YTHDF3: variants seen among roughly 807,000 people sequenced by gnomAD.
YTHDF3 encodes YTH N6-methyladenosine RNA binding protein F3, also known as YTH domain-containing family protein 3.
In YTHDF3, 9 loss-of-function variants were observed where a neutral mutation model predicts 52.5. The ratio of observed to expected loss-of-function variants is 0.17; its 90% CI spans 0.10 to 0.30. The LOEUF (loss-of-function observed/expected upper bound fraction) is 0.30. Ranked by LOEUF, YTHDF3 falls within the 10% of genes least tolerant of loss-of-function variation. The pLI, the probability that YTHDF3 is intolerant of heterozygous loss-of-function variation, is 1.00. For missense variants in YTHDF3, 534 were observed against 715.0 expected (o/e 0.75, Z 2.89); for synonymous variants, 274 against 243.3 (o/e 1.13, Z -1.18).
intron 2 of YTHDF3, among the ~76,000 whole-genome samples, chr8:63,169,666 G>C (rs1033310592): frequency 1.3e-5 from 2 of 152,132 alleles, no homozygotes; most frequent in Non-Finnish European, 2.9e-5. Context: ...GTGTGAACCT[G>C]GTGGTATTTC....
intron 4 of YTHDF3, among the ~76,000 whole-genome samples, chr8:63,195,323 A>C (rs746044140): frequency 3.3e-5 from 5 of 152,254 alleles, no homozygotes; most frequent in African/African-American, 4.8e-5. Flanking sequence ...CTAAAAATAC[A>C]AAACAAAATT....
At chr8:63,209,159 C>T (rs1810224754) in intron 4 of YTHDF3, among the ~76,000 whole-genome samples, 1 of 152,138 alleles carries the variant, frequency 6.6e-6, no homozygotes, top group Non-Finnish European at 1.5e-5. Context: ...TGAGCCACTG[C>T]GCCCGGCCTC....
chr8:63,198,316 G>A (rs1214409063), intron 4 of YTHDF3, among the ~76,000 whole-genome samples: 2 of 151,826 alleles, frequency 1.3e-5, no homozygotes, highest in African/African-American at 4.8e-5. Context: ...GCCCAGGCTG[G>A]AGTGCAGTGG....
At chr8:63,203,150 C>G (rs992104733) in intron 4 of YTHDF3, among the ~76,000 whole-genome samples, 6 of 150,954 alleles carry the variant, frequency 4.0e-5, no homozygotes, top group African/African-American at 1.5e-4. Context: ...GCTTGAGGCA[C>G]GAGAATCGCT....
intron 4 of YTHDF3, among the ~76,000 whole-genome samples, chr8:63,193,748 A>G (rs1362378417): frequency 2.0e-5 from 3 of 152,202 alleles, no homozygotes; most frequent in African/African-American, 7.2e-5. Context: ...ACGAAAAATG[A>G]GGGAATACGA....
chr8:63,182,859 T>C (rs1430733531), intron 3 of YTHDF3, among the ~76,000 whole-genome samples: 1 of 152,148 alleles, frequency 6.6e-6, no homozygotes, highest in African/African-American at 2.4e-5. Flanking sequence ...TTTTTTACAA[T>C]GTATGCATTT....
chr8:63,183,376 T>C (rs1392496747), intron 3 of YTHDF3, among the ~76,000 whole-genome samples: 2 of 152,216 alleles, frequency 1.3e-5, no homozygotes. Context: ...TATGAAGCAC[T>C]ATGAGTACTT....
At chr8:63,204,356 T>C (rs987381839) in intron 4 of YTHDF3, among the ~76,000 whole-genome samples, 2 of 149,574 alleles carry the variant, frequency 1.3e-5, no homozygotes, top group African/African-American at 5.1e-5. Context: ...TTTTGTGTGT[T>C]TGTTGTTTTT....
intron 4 of YTHDF3, among the ~76,000 whole-genome samples, chr8:63,196,128 G>A (rs997457357): frequency 1.3e-5 from 2 of 152,108 alleles, no homozygotes; most frequent in East Asian, 3.9e-4. Flanking sequence ...AAGTGTGGTG[G>A]CAAGTGCCAG....
chr8:63,209,679 T>C lies in YTHDF3; in HGVS notation c.1735-4T>C, dbSNP rs1810264425. On this transcript the variant is annotated splice_polypyrimidine_tract_variant and splice_region_variant and intron_variant, in intron 4 of 4. Coordinates refer to ENST00000539294, the MANE Select transcript of YTHDF3 (RefSeq NM_152758.6). ...TTTGTGTGTGTGTGTTTTTTTTTTT[T>C]CAGGAGAGAAATAGAAACAAACAAT... The C allele has an allele frequency of 3.2e-6, 5 of 1,570,788 alleles. No individual in the cohort carries two copies. The highest frequency in any genetic ancestry group is 4.3e-6 in the Non-Finnish European group (5 of 1,165,386).
intron 4 of YTHDF3, among the ~76,000 whole-genome samples, chr8:63,191,164 A>G (rs1298880682): frequency 6.6e-5 from 10 of 152,194 alleles, no homozygotes. Flanking sequence ...GTGTGTGCAC[A>G]AAAGATTTTT....
chr8:63,168,776 C>T lies in YTHDF3; in HGVS notation c.-102C>T. The stretch of plus-strand genomic sequence containing the variant: ...CAGCGAACGGCGGCAGCGGCGGCGG[C>T]TGGAACAATCACTCGGCCAAGGGCG... On this transcript the variant is annotated 5_prime_UTR_variant, in exon 1 of 5. Transcript: ENST00000539294. 1.3e-6 allele frequency: 2 copies of T among 1,547,022 alleles called. No homozygotes were observed. The highest frequency in any genetic ancestry group is 1.7e-6 in the Non-Finnish European group (2 of 1,145,050).
intron 4 of YTHDF3, among the ~76,000 whole-genome samples, chr8:63,203,347 A>G (rs1007469041): frequency 1.3e-5 from 2 of 152,136 alleles, no homozygotes; most frequent in African/African-American, 4.8e-5. Flanking sequence ...AAGCAGGACA[A>G]CCATTAAAAT....
chr8:63,176,852 A>G (rs1316615961), intron 3 of YTHDF3, among the ~76,000 whole-genome samples: 2 of 150,624 alleles, frequency 1.3e-5, no homozygotes, highest in South Asian at 2.1e-4. Context: ...TACTTTTTGT[A>G]TTTTTTAGTA....
At chr8:63,181,797 A>G (rs1336593079) in intron 3 of YTHDF3, among the ~76,000 whole-genome samples, 1 of 152,224 alleles carries the variant, frequency 6.6e-6, no homozygotes, top group Non-Finnish European at 1.5e-5. Context: ...CACATATAGC[A>G]TTCATGTTTA....
chr8:63,175,094 T>C (rs1369975123), intron 2 of YTHDF3, among the ~76,000 whole-genome samples: 1 of 152,142 alleles, frequency 6.6e-6, no homozygotes, highest in African/African-American at 2.4e-5. Flanking sequence ...TAAGGGGAAG[T>C]GTATATATGG....
chr8:63,168,709 C>G lies in YTHDF3; in HGVS notation c.-169C>G. ...GCGTGCAAGCGGAAAAGACGGGCCT[C>G]TTCCTCCGACTCCCGAGCGCGAGGC... On this transcript the variant is annotated 5_prime_UTR_variant, in exon 1 of 5. Coordinates refer to ENST00000539294, the MANE Select transcript of YTHDF3 (RefSeq NM_152758.6). The G allele has an allele frequency of 7.4e-7, 1 of 1,348,202 alleles. No homozygotes were observed. Among genetic ancestry groups the G allele is most frequent in the Non-Finnish European group, 1.0e-6 (1 of 978,970 alleles). 83.5% of individuals were successfully genotyped at this position (1,348,202 alleles called of 1,614,324 possible).
intron 2 of YTHDF3, 24 bp downstream of exon 2, chr8:63,169,435 T>A (rs1217570738): frequency 1.9e-6 from 3 of 1,574,806 alleles, no homozygotes; most frequent in Admixed American, 1.9e-5. Context: ...TTTTTTTTTC[T>A]TATTGCTCAA....
intron 3 of YTHDF3, among the ~76,000 whole-genome samples, chr8:63,182,895 T>G (rs934592911): frequency 6.7e-6 from 1 of 150,148 alleles, no homozygotes; most frequent in South Asian, 2.1e-4. Context: ...TAGTTAAAAT[T>G]ATAAATAAAG....
Sources: gnomAD v4.1 joint callset for allele counts (sites outside exome capture counted in the v4.1 genomes callset) on GRCh38, gnomAD v4.1.1 for gene constraint, MANE v1.5 for transcripts, NCBI Gene and HGNC (gene_info 2026-07-23, HGNC 2026-07-21) for gene names.